CACUL1: variants seen among roughly 807,000 people sequenced by gnomAD.
The protein encoded by CACUL1 is CDK2-associated and cullin domain-containing protein 1.
A neutral mutation model predicts 45.2 loss-of-function variants in CACUL1; 13 were observed. That is an observed-to-expected ratio of 0.29 (90% confidence interval 0.19 to 0.46). The LOEUF (loss-of-function observed/expected upper bound fraction) is 0.46, where lower values mean the gene tolerates loss of function less well. Among genes scored for constraint, CACUL1 ranks in the 20% least tolerant of loss-of-function variants. The pLI, the probability that CACUL1 is intolerant of heterozygous loss-of-function variation, is 1.00. For missense variants in CACUL1, 421 were observed against 471.4 expected (o/e 0.89, Z 0.99); for synonymous variants, 197 against 174.2 (o/e 1.13, Z -1.03).
At chr10:118,749,357 G>T (rs1182879376) in intron 1 of CACUL1, among the ~76,000 whole-genome samples, 1 of 152,098 alleles carries the variant, frequency 6.6e-6, no homozygotes, top group African/African-American at 2.4e-5. Flanking sequence ...ATTTCTGGTG[G>T]CTTGGATCTC....
intron 1 of CACUL1, among the ~76,000 whole-genome samples, chr10:118,740,922 T>C (rs1357901905): frequency 1.4e-5 from 2 of 140,338 alleles, no homozygotes; most frequent in East Asian, 4.1e-4. Flanking sequence ...TGAGATTCCA[T>C]CTCAAAAAAA....
intron 1 of CACUL1, among the ~76,000 whole-genome samples, chr10:118,745,619 A>T (rs763707293): frequency 9.9e-5 from 15 of 152,234 alleles, no homozygotes; most frequent in Non-Finnish European, 1.9e-4. Context: ...ATGGACAAAG[A>T]GTAAACAAAA....
chr10:118,711,757 T>A (rs1564832638), intron 3 of CACUL1, among the ~76,000 whole-genome samples: 1 of 152,242 alleles, frequency 6.6e-6, no homozygotes, highest in Non-Finnish European at 1.5e-5. Context: ...CTTTCTGTAC[T>A]GAATCAAATG....
Position 118,685,945 on chromosome 10 carries a change from T to G in CACUL1, c.*183A>C, listed in dbSNP as rs1845200469. 2 of 158,928 alleles carry G rather than the reference T, an allele frequency of 1.3e-5. No individual in the cohort carries two copies. Among genetic ancestry groups the G allele is most frequent in the Admixed American group, 8.6e-5 (1 of 11,598 alleles). The allele number at this position is 158,928 out of a possible 1,614,324, so 9.8% of individuals were successfully genotyped here. A position where few individuals can be genotyped will look rare whatever the true frequency, so the allele number is the denominator to read the frequency against. On this transcript the variant is annotated 3_prime_UTR_variant, in exon 9 of 9. Coordinates refer to ENST00000369151, the MANE Select transcript of CACUL1 (RefSeq NM_153810.5). ...ATCACCCCCAAGTCTAGCAGCAACG[T>G]TTTTTTTTTTTTTAGTTTTTGTTTT... is the stretch of plus-strand genomic sequence containing the variant.
intron 3 of CACUL1, among the ~76,000 whole-genome samples, chr10:118,715,221 T>C (rs1012688627): frequency 2.0e-5 from 3 of 152,162 alleles, no homozygotes; most frequent in Admixed American, 1.3e-4. Flanking sequence ...TATATACACA[T>C]ACATGGTCCT....
chr10:118,689,058 A>T (rs3824821), intron 7 of CACUL1, among the ~76,000 whole-genome samples: 1 of 152,162 alleles, frequency 6.6e-6, no homozygotes, highest in South Asian at 2.1e-4. Flanking sequence ...GGCATAAACC[A>T]TAAAATGACT....
chr10:118,677,494 C>T lies in CACUL1; in HGVS notation c.*8634G>A, dbSNP rs1845109739. ...CCCCTCTGTTCTCATTCCCCTCCAC[C>T]ACCCTCTCCTGAGGAAACTATGTTC... On this transcript the variant is annotated 3_prime_UTR_variant, in exon 9 of 9. Coordinates refer to ENST00000369151, the MANE Select transcript of CACUL1 (RefSeq NM_153810.5). 1 of 152,192 alleles carries T rather than the reference C, an allele frequency of 6.6e-6. No individual in the cohort carries two copies. Among genetic ancestry groups the T allele is most frequent in the African/African-American group, 2.4e-5 (1 of 41,432 alleles). The allele number at this position is 152,192 out of a possible 1,614,324, so 9.4% of individuals were successfully genotyped here.
intron 3 of CACUL1, among the ~76,000 whole-genome samples, chr10:118,713,169 C>A (rs1845507887): frequency 6.6e-6 from 1 of 152,154 alleles, no homozygotes; most frequent in Non-Finnish European, 1.5e-5. Flanking sequence ...CTGCCCTCAG[C>A]GTGTGCACAG....
At chr10:118,687,717 C>G (rs904879657) in intron 7 of CACUL1, among the ~76,000 whole-genome samples, 1 of 152,242 alleles carries the variant, frequency 6.6e-6, no homozygotes, top group Non-Finnish European at 1.5e-5. Context: ...CTTTCCTCCA[C>G]TCTCTGCCTC....
intron 3 of CACUL1, among the ~76,000 whole-genome samples, chr10:118,727,189 G>A (rs1348793598): frequency 6.6e-6 from 1 of 152,000 alleles, no homozygotes; most frequent in Non-Finnish European, 1.5e-5. Context: ...AGGAGTTTGA[G>A]ACCAGCATGA....
intron 3 of CACUL1, among the ~76,000 whole-genome samples, chr10:118,708,780 G>A (rs1845457243): frequency 6.6e-6 from 1 of 152,162 alleles, no homozygotes; most frequent in East Asian, 1.9e-4. Flanking sequence ...ACTGCAGTGA[G>A]AAGGCAGCCA....
At chr10:118,730,831 T>C (rs922327685) in intron 1 of CACUL1, among the ~76,000 whole-genome samples, 1 of 152,210 alleles carries the variant, frequency 6.6e-6, no homozygotes, top group Non-Finnish European at 1.5e-5. Context: ...AATCAATCTT[T>C]GTAGACATCC....
rs1272486070 is a variant in CACUL1, at chr10:118,754,464, A to G, written c.299T>C (p.Val100Ala). The G allele has an allele frequency of 1.2e-6, 2 of 1,605,468 alleles. No individual in the cohort carries two copies. The highest frequency in any genetic ancestry group is 1.7e-6 in the Non-Finnish European group (2 of 1,176,626). Residue 100 changes from valine to alanine, a missense_variant, in exon 1 of 9, where the codon GTG (valine) becomes GCG (alanine). By Grantham distance (64) the Val-to-Ala change is moderately conservative (BLOSUM62 0). Transcript: ENST00000369151. ...MLKSCDAAAAVAKAAPAPTAS... is the reference protein window; with the variant it reads ...MLKSCDAAAAAAKAAPAPTAS... ...GGTGGGGGCGGGGGCCGCCTTGGCC[A>G]CGGCGGCGGCCGCGTCGCAGCTCTT...
chr10:118,732,129 G>A (rs541164659), intron 1 of CACUL1, among the ~76,000 whole-genome samples: 2 of 152,322 alleles, frequency 1.3e-5, no homozygotes, highest in East Asian at 3.9e-4. Flanking sequence ...TCTGGCTTAG[G>A]TTTTATATGG....
intron 1 of CACUL1, among the ~76,000 whole-genome samples, chr10:118,731,318 C>T (rs1376520942): frequency 3.9e-5 from 6 of 152,162 alleles, no homozygotes; most frequent in Non-Finnish European, 8.8e-5. Context: ...TCCTCAAGAA[C>T]TCAAGGCTCA....
At chr10:118,701,447 G>C (rs1341398663) in intron 4 of CACUL1, 39 bp from the exon 5 acceptor site, 1 of 1,196,250 alleles carries the variant, frequency 8.4e-7, no homozygotes, top group Middle Eastern at 2.4e-4. Context: ...TGTATTAATT[G>C]GGGAAATGAT....
intron 7 of CACUL1, among the ~76,000 whole-genome samples, chr10:118,688,229 C>T (rs1845227489): frequency 6.6e-6 from 1 of 152,186 alleles, no homozygotes; most frequent in African/African-American, 2.4e-5. Flanking sequence ...CAAAAGAGCT[C>T]TAACAGGCCG....
In CACUL1 at chr10:118,677,503, C is replaced by T. The variant is rs908872812; in HGVS notation, c.*8625G>A. 6.6e-6 allele frequency: 1 copy of T among 152,230 alleles called. No homozygotes were observed. The highest frequency in any genetic ancestry group is 1.5e-5 in the Non-Finnish European group (1 of 68,054). 9.4% of individuals were successfully genotyped at this position (152,230 alleles called of 1,614,324 possible). On this transcript the variant is annotated 3_prime_UTR_variant, in exon 9 of 9. Coordinates refer to ENST00000369151, the MANE Select transcript of CACUL1 (RefSeq NM_153810.5). ...TCTCATTCCCCTCCACCACCCTCTC[C>T]TGAGGAAACTATGTTCCTGAATGTT...
intron 1 of CACUL1, among the ~76,000 whole-genome samples, chr10:118,744,111 T>A (rs1845817940): frequency 6.6e-6 from 1 of 152,190 alleles, no homozygotes; most frequent in South Asian, 2.1e-4. Flanking sequence ...GGAGGCCGGA[T>A]GCGGTGGCTC....
Sources: allele counts gnomAD v4.1 joint callset (sites outside exome capture counted in the v4.1 genomes callset), GRCh38; gene constraint gnomAD v4.1.1; transcripts MANE v1.5; gene names NCBI Gene and HGNC (gene_info 2026-07-23, HGNC 2026-07-21).